Variants in COL27A1 observed in about 807,000 individuals in gnomAD.
COL27A1 encodes collagen type XXVII alpha 1 chain.
A neutral mutation model predicts 251.3 loss-of-function variants in COL27A1; 106 were observed. That is an observed-to-expected ratio of 0.42 (90% CI 0.36 to 0.50). COL27A1 has a LOEUF of 0.50. Among genes scored for constraint, COL27A1 ranks in the 20% least tolerant of loss-of-function variants. The probability of loss-of-function intolerance (pLI) is 0.00; values close to 1 mark genes in which losing one functional copy is unlikely to be tolerated. For synonymous variants in COL27A1, 1,000 were observed against 986.3 expected (o/e 1.01, Z -0.26); for missense variants, 2,325 against 2,522.8 (o/e 0.92, Z 1.68).
In COL27A1 at chr9:114,167,909, C is replaced by T. The variant is rs775558821; in HGVS notation, c.354C>T (p.Arg118=). The T allele has an allele frequency of 6.2e-7, 1 of 1,612,570 alleles. No homozygotes were observed. The highest frequency in any genetic ancestry group is 8.5e-7 in the Non-Finnish European group (1 of 1,179,816). ...ACCATGCCTTCCTCTTCGCTGTCCG[C>T]AGCCAGAAACGCAAGCTGCAGCTGG... ...RVNHAFLFAV[R]SQKRKLQLGL... Residue 118 remains arginine (R), a synonymous_variant, in exon 3 of 61, where the codon CGC becomes CGT. Coordinates refer to ENST00000356083, the MANE Select transcript of COL27A1 (RefSeq NM_032888.4).
intron 18 of COL27A1, among the ~76,000 whole-genome samples, chr9:114,237,441 G>A (rs1275422558): frequency 6.6e-6 from 1 of 152,220 alleles, no homozygotes; most frequent in Non-Finnish European, 1.5e-5. Context: ...TTACAGATGG[G>A]CAAACTAAGA....
intron 27 of COL27A1, among the ~76,000 whole-genome samples, chr9:114,254,902 T>C (rs1238320062): frequency 1.3e-5 from 2 of 152,184 alleles, no homozygotes; most frequent in Non-Finnish European, 2.9e-5. Flanking sequence ...CAGACTTTTA[T>C]CGAGCACCTA....
At position 114,300,868 on chromosome 9, in the gene COL27A1, G is replaced by A. The variant is rs986963186; in HGVS notation, c.4701+181G>A. On this transcript the variant is annotated intron_variant, in intron 51 of 60. Transcript: ENST00000356083. ...ACCAGCTCAGCCCCCATCCTTCCCC[G>A]CTTTCACTCTTGCCCCCATCGCCCC... Among the ~76,000 whole-genome samples, 6 of 151,984 alleles carry A rather than the reference G, an allele frequency of 3.9e-5. No individual in the cohort carries two copies. In the East Asian group the frequency reaches 7.7e-4, roughly 20 times the overall value.
intron 28 of COL27A1, among the ~76,000 whole-genome samples, chr9:114,261,642 TCTC>T (rs1359958641): frequency 6.6e-6 from 1 of 152,152 alleles, no homozygotes; most frequent in Non-Finnish European, 1.5e-5. Context: ...GATATTGTCT[TCTC>T]CAACACCAGG....
At position 114,168,154 on chromosome 9, in the gene COL27A1, G is replaced by A. The variant is rs771631260; in HGVS notation, c.599G>A (p.Gly200Glu). 18 of 1,613,468 alleles carry A rather than the reference G, an allele frequency of 1.1e-5. No individual in the cohort carries two copies. Among genetic ancestry groups the A allele is most frequent in the Non-Finnish European group, 1.4e-5 (17 of 1,180,016 alleles). Reference sequence around the variant, plus strand: ...GACCCTGGGGGCTCCTTCCTCTTTGGGAAGATGAACCCGCATGCAGTCCAG... The same window carrying A: ...GACCCTGGGGGCTCCTTCCTCTTTGAGAAGATGAACCCGCATGCAGTCCAG... ...ALDPGGSFLF[G>E]KMNPHAVQFE... The change falls in exon 3 of 61, where the codon GGG (glycine) becomes GAG (glutamate). Residue 200 changes from glycine to glutamate, a missense_variant. Gly to Glu is a moderately conservative substitution (Grantham distance 98, BLOSUM62 -2). Coordinates refer to ENST00000356083, the MANE Select transcript of COL27A1 (RefSeq NM_032888.4).
chr9:114,289,396 A>G (rs1588879447), intron 45 of COL27A1, 101 bp downstream of exon 45: 1 of 1,200,652 alleles, frequency 8.3e-7, no homozygotes. Flanking sequence ...AGAGGCTGCG[A>G]GGCAGGGTAG....
chr9:114,168,573 T>A lies in COL27A1; in HGVS notation c.1018T>A (p.Ser340Thr), dbSNP rs758805999. ...CGCACTTGATCCCATGCTCCCAGCC[T>A]CTGTTGGCGGCTCTACCAGAACGCC... Reference protein sequence around the residue: ...SNALDPMLPASVGGSTRTPRP... With the variant: ...SNALDPMLPATVGGSTRTPRP... The change falls in exon 3 of 61, where the codon TCT becomes ACT. Residue 340 changes from serine (S) to threonine (T), a missense_variant. Ser to Thr is a moderately conservative substitution (Grantham distance 58). Coordinates refer to ENST00000356083, the MANE Select transcript of COL27A1 (RefSeq NM_032888.4). 2 of 1,613,914 alleles carry A rather than the reference T, an allele frequency of 1.2e-6. No homozygotes were observed. Among genetic ancestry groups the A allele is most frequent in the African/African-American group, 2.7e-5 (2 of 74,896 alleles).
chr9:114,284,878 AG>A, intron 41 of COL27A1, 101 bp downstream of exon 41: 2 of 1,334,666 alleles, frequency 1.5e-6, no homozygotes, highest in Non-Finnish European at 2.2e-6. Flanking sequence ...CCATGGCTGG[AG>A]AAGCCTGTGG....
At chr9:114,269,663 C>T (rs187322191) in intron 35 of COL27A1, among the ~76,000 whole-genome samples, 4 of 146,356 alleles carry the variant, frequency 2.7e-5, no homozygotes, top group African/African-American at 7.7e-5. Flanking sequence ...GAGGTTCAGT[C>T]GAGTCTCGGC....
At chr9:114,271,031 TAA>T (rs2135635222) in intron 36 of COL27A1, 1 of 496,432 alleles carries the variant, frequency 2.0e-6, no homozygotes, top group East Asian at 3.7e-5. Context: ...CTACCCTTCT[TAA>T]AATATCAGCT....
Position 114,251,323 on chromosome 9 carries a change from G to A in COL27A1, c.3033+655G>A, listed in dbSNP as rs114219309. On this transcript the variant is annotated intron_variant, in intron 25 of 60. Transcript: ENST00000356083. The stretch of plus-strand genomic sequence containing the variant: ...GGTCCAGAGGGAGGAAGTATCCCCC[G>A]CAAGTCTGGCCCCGCCTAACTCTCC... 6.8e-3 allele frequency among the ~76,000 whole-genome samples: 1,030 copies of A among 151,812 alleles called. 13 individuals are homozygous for A. The highest frequency in any genetic ancestry group is 0.024 in the African/African-American group (983 of 41,368).
intron 4 of COL27A1, 99 bp from the exon 5 acceptor site, chr9:114,182,923 A>G: frequency 1.9e-6 from 2 of 1,045,558 alleles, no homozygotes; most frequent in Admixed American, 3.6e-5. Context: ...GAGAAGATAA[A>G]CCAGTGGGTG....
Position 114,265,566 on chromosome 9 carries a change from G to A in COL27A1, c.3393+91G>A, listed in dbSNP as rs925048951. 1.0e-5 allele frequency: 14 copies of A among 1,349,092 alleles called. No homozygotes were observed. The African/African-American group carries it at 1.3e-4, about 13-fold the overall frequency. 83.6% of individuals were successfully genotyped at this position (1,349,092 alleles called of 1,614,324 possible). ...GTCAGATAAGGAGAAGGGTTGGAAA[G>A]GGACCATGCCTGGCCTCTAACCCGC... On this transcript the variant is annotated intron_variant, in intron 32 of 60. Coordinates refer to ENST00000356083, the MANE Select transcript of COL27A1 (RefSeq NM_032888.4).
At chr9:114,250,409 T>C (rs1040871717) in intron 24 of COL27A1, among the ~76,000 whole-genome samples, 59 of 152,160 alleles carry the variant, frequency 3.9e-4, no homozygotes, top group Middle Eastern at 3.2e-3. Flanking sequence ...GCTGCTTGGC[T>C]TCAAAATCAG....
At chr9:114,279,393 G>A (rs1210972698) in intron 37 of COL27A1, among the ~76,000 whole-genome samples, 2 of 152,210 alleles carry the variant, frequency 1.3e-5, no homozygotes, top group African/African-American at 4.8e-5. Context: ...GGTGAGGGTT[G>A]TAGGGATTGT....
At chr9:114,167,627 GGGGGT>G in intron 2 of COL27A1, 57 bp from the exon 3 acceptor site, 1 of 1,422,112 alleles carries the variant, frequency 7.0e-7, no homozygotes, top group Non-Finnish European at 9.7e-7. Context: ...TTAGGGGGTA[GGGGGT>G]GGGGTGGGCT....
At chr9:114,194,331 A>G in intron 5 of COL27A1, 73 bp from the exon 6 acceptor site, 1 of 1,440,278 alleles carries the variant, frequency 6.9e-7, no homozygotes, top group Non-Finnish European at 9.8e-7. Flanking sequence ...CAGGGCTTTG[A>G]GCAGAGTTTG....
intron 16 of COL27A1, 143 bp downstream of exon 16, chr9:114,232,009 C>T: frequency 1.3e-6 from 1 of 797,868 alleles, no homozygotes; most frequent in African/African-American, 1.7e-5. Flanking sequence ...AATCTGTGCT[C>T]CCTAGCTTCT....
intron 28 of COL27A1, among the ~76,000 whole-genome samples, chr9:114,261,368 G>A (rs1032826127): frequency 2.0e-5 from 3 of 152,266 alleles, no homozygotes; most frequent in Non-Finnish European, 4.4e-5. Flanking sequence ...CCAGCAGGCG[G>A]GGCGGGGGTG....
Sources: allele counts gnomAD v4.1 joint callset (sites outside exome capture counted in the v4.1 genomes callset), GRCh38; gene constraint gnomAD v4.1.1; transcripts MANE v1.5; gene names NCBI Gene and HGNC (gene_info 2026-07-23, HGNC 2026-07-21).